The following TRPM8 variants were observed in gnomAD, a reference collection of about 807,000 sequenced individuals.
TRPM8 encodes TRPM8 cationic channel.
A neutral mutation model predicts 133.7 loss-of-function variants in TRPM8; 110 were observed. The ratio of observed to expected loss-of-function variants is 0.82; its 90% CI spans 0.70 to 0.96. The LOEUF is 0.96. Among genes scored for constraint, TRPM8 ranks in the 40% least tolerant of loss-of-function variants. The pLI is 0.00. For synonymous variants in TRPM8, 535 were observed against 532.3 expected (o/e 1.01, Z -0.07); for missense variants, 1,291 against 1,379.5 (o/e 0.94, Z 1.02).
intron 11 of TRPM8, among the ~76,000 whole-genome samples, chr2:233,955,839 C>T (rs959996162): frequency 6.6e-6 from 1 of 152,210 alleles, no homozygotes; most frequent in Non-Finnish European, 1.5e-5. Context: ...TGTATTTACA[C>T]CAGCTCCCCA....
At chr2:233,967,418 G>T (rs921373339) in intron 15 of TRPM8, among the ~76,000 whole-genome samples, 1 of 152,202 alleles carries the variant, frequency 6.6e-6, no homozygotes, top group African/African-American at 2.4e-5. Context: ...AGAGACCAAC[G>T]CTTGTCAGCC....
chr2:234,006,995 A>G (rs767444735), intron 23 of TRPM8, 43 bp downstream of exon 23: 1 of 1,477,766 alleles, frequency 6.8e-7, no homozygotes, highest in South Asian at 1.1e-5. Context: ...CTCCCTCTGT[A>G]GACATAAGCC....
chr2:233,963,573 T>A (rs1484362401), intron 13 of TRPM8, among the ~76,000 whole-genome samples, 196 bp downstream of exon 13: 1 of 152,208 alleles, frequency 6.6e-6, no homozygotes, highest in African/African-American at 2.4e-5. Context: ...GTAGTCAGGC[T>A]TGGGGGGCAG....
Position 234,019,064 on chromosome 2 carries a change from T to G in TRPM8, c.*1808T>G, listed in dbSNP as rs1468035075. 6.6e-6 allele frequency: 1 copy of G among 152,168 alleles called. No individual in the cohort carries two copies. Among genetic ancestry groups the G allele is most frequent in the African/African-American group, 2.4e-5 (1 of 41,434 alleles). 9.4% of individuals were successfully genotyped at this position (152,168 alleles called of 1,614,324 possible). On this transcript the variant is annotated 3_prime_UTR_variant, in exon 26 of 26. Transcript: ENST00000324695. ...ACTCACTGGCTGAAGGAGGAAATTT[T>G]AGAAGGAAGCTACTAAAAGATCTAA...
At chr2:233,969,517 A>G (rs1036369673) in intron 15 of TRPM8, among the ~76,000 whole-genome samples, 178 bp from the exon 16 acceptor site, 10 of 148,504 alleles carry the variant, frequency 6.7e-5, no homozygotes, top group African/African-American at 2.3e-4. Flanking sequence ...CAAGTTTTAA[A>G]TTGTTTTTTT....
chr2:233,927,962 T>TC (rs1559516800), intron 2 of TRPM8, among the ~76,000 whole-genome samples: 1,118 of 31,396 alleles, frequency 0.036, 195 homozygotes, highest in Middle Eastern at 0.069. Context: ...CTCTCTCTCT[T>TC]TCTTTCTTTC....
chr2:233,948,603 AG>A (rs1691099209), intron 8 of TRPM8, among the ~76,000 whole-genome samples: 1 of 152,216 alleles, frequency 6.6e-6, no homozygotes, highest in Admixed American at 6.5e-5. Flanking sequence ...TTCTTGGCCT[AG>A]GGGGTAGGGG....
Position 233,981,875 on chromosome 2 carries a change from G to T in TRPM8, c.2549G>T (p.Ser850Ile), listed in dbSNP as rs148696315. The T allele has an allele frequency of 3.1e-6, 5 of 1,613,426 alleles. No homozygotes were observed. In the African/African-American group the frequency reaches 6.7e-5, roughly 22 times the overall value. Residue 850 changes from serine to isoleucine, a missense_variant, in exon 19 of 26, where the codon AGC becomes ATC. By Grantham distance (142) the Ser-to-Ile change is moderately radical (BLOSUM62 -2). This residue lies in a region of TRPM8 where 328 missense variants were observed against 410.6 expected (regional missense o/e 0.80). Coordinates refer to ENST00000324695, the MANE Select transcript of TRPM8 (RefSeq NM_024080.5). ...TLRLIHIFTV[S>I]RNLGPKIIML... is the part of the protein sequence containing the mutation. ...AGATTGATCCACATTTTTACTGTAAGCAGAAACTTAGGACCCAAGATTATA... is the reference window on the plus strand; with the variant it reads ...AGATTGATCCACATTTTTACTGTAATCAGAAACTTAGGACCCAAGATTATA...
At chr2:234,001,940 T>A (rs1396558378) in intron 22 of TRPM8, among the ~76,000 whole-genome samples, 1 of 152,098 alleles carries the variant, frequency 6.6e-6, no homozygotes, top group South Asian at 2.1e-4. Context: ...TGGTGCTAAA[T>A]AAGCTAGAAG....
At position 234,014,642 on chromosome 2, in the gene TRPM8, T is replaced by G. The variant is rs200446211; in HGVS notation, c.*30T>G. On this transcript the variant is annotated 3_prime_UTR_variant, in exon 25 of 26. Coordinates refer to ENST00000324695, the MANE Select transcript of TRPM8 (RefSeq NM_024080.5). ...GTATGAACTCTAATGGAGAAAAATC[T>G]AATTATAGCAAGGTGAGTCATTCTA... 64 of 1,296,066 alleles carry G rather than the reference T, an allele frequency of 4.9e-5. No homozygotes were observed. Among genetic ancestry groups the G allele is most frequent in the Non-Finnish European group, 6.5e-5 (61 of 937,972 alleles). The allele number at this position is 1,296,066 out of a possible 1,614,324, so 80.3% of individuals were successfully genotyped here. A position where few individuals can be genotyped will look rare whatever the true frequency, so the allele number is the denominator to read the frequency against.
chr2:233,928,621 T>C (rs735552), intron 2 of TRPM8, among the ~76,000 whole-genome samples: 32,897 of 152,184 alleles, frequency 0.22, 5,486 homozygotes, highest in African/African-American at 0.46. Context: ...AAAATGGGCA[T>C]CACAGACTTT....
intron 3 of TRPM8, among the ~76,000 whole-genome samples, chr2:233,935,003 AGC>A (rs1271991462): frequency 1.3e-5 from 2 of 152,376 alleles, no homozygotes; most frequent in East Asian, 3.9e-4. Context: ...TTGAAAACAC[AGC>A]CTTTCTCTGG....
At position 233,955,414 on chromosome 2, in the gene TRPM8, T is replaced by A. The variant is rs574333661; in HGVS notation, c.1362+164T>A. ...AGGCTTAATTTCCTTGTTTGCAGCATGGAATCATAACATTGACTTAGTAGG... is the reference window on the plus strand; with the variant it reads ...AGGCTTAATTTCCTTGTTTGCAGCAAGGAATCATAACATTGACTTAGTAGG... On this transcript the variant is annotated intron_variant, in intron 11 of 25. Transcript: ENST00000324695. The A allele has an allele frequency of 5.9e-5, 34 of 574,928 alleles. No homozygotes were observed. In the East Asian group the frequency reaches 9.7e-4, roughly 16 times the overall value. 35.6% of individuals were successfully genotyped at this position (574,928 alleles called of 1,614,324 possible).
chr2:233,942,949 A>G lies in TRPM8; in HGVS notation c.699+201A>G, dbSNP rs191909399. 695 of 621,006 alleles carry G rather than the reference A, an allele frequency of 1.1e-3. 8 individuals carry two copies. The South Asian group carries it at 0.013, about 11-fold the overall frequency. The allele number at this position is 621,006 out of a possible 1,614,324, so 38.5% of individuals were successfully genotyped here. A position where few individuals can be genotyped will look rare whatever the true frequency, so the allele number is the denominator to read the frequency against. ...ATTAACTGCTGGGAAAGAGTTAACA[A>G]TGAATGTTTTGTTCATTAAAATGTG... is the stretch of plus-strand genomic sequence containing the variant. On this transcript the variant is annotated intron_variant, in intron 6 of 25. Transcript: ENST00000324695.
chr2:233,927,676 T>C (rs1270226442), intron 2 of TRPM8, among the ~76,000 whole-genome samples: 1 of 152,130 alleles, frequency 6.6e-6, no homozygotes, highest in African/African-American at 2.4e-5. Flanking sequence ...CCACCTGGCC[T>C]CAGCATCAGA....
intron 24 of TRPM8, chr2:234,013,535 G>T (rs1692889895): frequency 6.6e-6 from 1 of 151,874 alleles, no homozygotes; most frequent in South Asian, 2.1e-4. Flanking sequence ...TTCTTAAAAG[G>T]TTTGTTGATT....
At chr2:234,014,770 A>G in intron 25 of TRPM8, 116 bp downstream of exon 25, 1 of 456,394 alleles carries the variant, frequency 2.2e-6, no homozygotes, top group Non-Finnish European at 3.8e-6. Flanking sequence ...CAAATTTGAA[A>G]ATAATGCATT....
At chr2:233,953,809 C>A in intron 9 of TRPM8, 108 bp from the exon 10 acceptor site, 2 of 713,114 alleles carry the variant, frequency 2.8e-6, no homozygotes, top group African/African-American at 1.8e-5. Flanking sequence ...TGATCCGGAA[C>A]TCCACTACAG....
intron 24 of TRPM8, among the ~76,000 whole-genome samples, chr2:234,014,021 G>A (rs758840541): frequency 6.6e-6 from 1 of 152,052 alleles, no homozygotes; most frequent in Admixed American, 6.5e-5. Context: ...ATGACTTCAT[G>A]TATCTTTTGT....
Sources: allele counts gnomAD v4.1 joint callset (sites outside exome capture counted in the v4.1 genomes callset), GRCh38; gene constraint gnomAD v4.1.1; regional missense constraint gnomAD v4.1.1; transcripts MANE v1.5; gene names NCBI Gene and HGNC (gene_info 2026-07-23, HGNC 2026-07-21).